Variants in ASPRV1 observed in about 807,000 individuals in gnomAD.
ASPRV1 encodes the protein retroviral-like aspartic protease 1.
In ASPRV1, 7 loss-of-function variants were observed where a neutral mutation model predicts 11.0. That is an observed-to-expected ratio of 0.64 (90% CI 0.36 to 1.20). The LOEUF is 1.20. ASPRV1 is among the 50% of genes most tolerant of loss of function. The pLI, the probability that ASPRV1 is intolerant of heterozygous loss-of-function variation, is 0.02. For synonymous variants in ASPRV1, 136 were observed against 138.4 expected (o/e 0.98, Z 0.12); for missense variants, 299 against 320.0 (o/e 0.93, Z 0.50).
At chr2:70,012,201 G>A in the ASPRV1 span, 2 of 151,656 alleles carry the variant, frequency 1.3e-5, no homozygotes, top group African/African-American at 4.8e-5. Context: ...GTGGCCCAGG[G>A]TGGAGTGCAG....
the ASPRV1 span, among the ~76,000 whole-genome samples, chr2:70,022,735 T>C: frequency 2.0e-5 from 3 of 152,234 alleles, no homozygotes; most frequent in African/African-American, 7.2e-5. Flanking sequence ...TGGATAAGTT[T>C]AGCATTTTGG....
At chr2:69,996,214 C>CAAAAAAAAAAAAA in the ASPRV1 span, among the ~76,000 whole-genome samples, 1 of 53,890 alleles carries the variant, frequency 1.9e-5, no homozygotes, top group Non-Finnish European at 3.2e-5. Flanking sequence ...CCCCATCTCT[C>CAAAAAAAAAAAAA]AAAAAAAAAA....
the ASPRV1 span, among the ~76,000 whole-genome samples, chr2:69,936,225 G>A: frequency 4.6e-5 from 7 of 152,166 alleles, no homozygotes; most frequent in African/African-American, 9.6e-5. Flanking sequence ...CCTCCTTCCT[G>A]TGACAGGTGG....
the ASPRV1 span, among the ~76,000 whole-genome samples, chr2:70,060,494 G>T: frequency 6.6e-6 from 1 of 152,152 alleles, no homozygotes; most frequent in East Asian, 1.9e-4. Context: ...TCTGGCAAAG[G>T]CAACAATACA....
chr2:70,040,337 G>A, the ASPRV1 span, among the ~76,000 whole-genome samples: 2 of 152,096 alleles, frequency 1.3e-5, no homozygotes, highest in South Asian at 2.1e-4. Flanking sequence ...TCACACCACC[G>A]CACTCTAGCC....
the ASPRV1 span, among the ~76,000 whole-genome samples, chr2:69,953,030 C>G: frequency 6.6e-6 from 1 of 152,234 alleles, no homozygotes; most frequent in African/African-American, 2.4e-5. Flanking sequence ...GGCTGCACAG[C>G]GGGGTGAGAC....
chr2:70,051,321 G>C, the ASPRV1 span: 2 of 152,130 alleles, frequency 1.3e-5, no homozygotes, highest in Non-Finnish European at 2.9e-5. Context: ...AGATGAGGAA[G>C]ACAAAAAATA....
the ASPRV1 span, chr2:70,019,028 A>T: frequency 6.6e-6 from 1 of 152,208 alleles, no homozygotes; most frequent in African/African-American, 2.4e-5. Context: ...GGTTGTTATG[A>T]TCTAAAGTGT....
downstream of ASPRV1, among the ~76,000 whole-genome samples, chr2:69,956,727 A>G (rs1043621445): frequency 6.6e-6 from 1 of 152,186 alleles, no homozygotes; most frequent in African/African-American, 2.4e-5. Context: ...GGGGTAAAAT[A>G]GTTATTTATG....
chr2:70,036,633 T>C, the ASPRV1 span, among the ~76,000 whole-genome samples: 1 of 152,184 alleles, frequency 6.6e-6, no homozygotes, highest in African/African-American at 2.4e-5. Flanking sequence ...CACAGGATTC[T>C]GTTACTTAAG....
the ASPRV1 span, among the ~76,000 whole-genome samples, chr2:70,017,727 A>T: frequency 6.6e-6 from 1 of 152,188 alleles, no homozygotes; most frequent in African/African-American, 2.4e-5. Context: ...GTCTGTTAGT[A>T]TTTTTTTAAA....
chr2:70,068,055 C>T, the ASPRV1 span, among the ~76,000 whole-genome samples: 36 of 152,160 alleles, frequency 2.4e-4, 1 homozygote, highest in Non-Finnish European at 1.5e-5. Context: ...CCCCTAAGTC[C>T]ACACTCTATC....
chr2:69,961,744 G>C (rs1040342209), upstream of ASPRV1: 1 of 1,500,508 alleles, frequency 6.7e-7, no homozygotes. Flanking sequence ...GCCAGCATCC[G>C]GCCGGACTAG....
the ASPRV1 span, among the ~76,000 whole-genome samples, chr2:69,968,783 C>T: frequency 8.5e-5 from 13 of 152,190 alleles, no homozygotes; most frequent in Non-Finnish European, 1.9e-4. Context: ...ACTGGAACCC[C>T]TGGTCGCTGG....
chr2:69,968,816 C>T, the ASPRV1 span, among the ~76,000 whole-genome samples: 1 of 152,190 alleles, frequency 6.6e-6, no homozygotes, highest in Admixed American at 6.5e-5. Flanking sequence ...CCGACTGTGG[C>T]TCAGTGTCCC....
chr2:69,981,289 A>G, the ASPRV1 span, among the ~76,000 whole-genome samples: 1 of 152,224 alleles, frequency 6.6e-6, no homozygotes, highest in African/African-American at 2.4e-5. Context: ...GCTGCATCCA[A>G]TGATGATAGA....
chr2:70,004,923 C>T, the ASPRV1 span, among the ~76,000 whole-genome samples: 1 of 152,130 alleles, frequency 6.6e-6, no homozygotes, highest in Admixed American at 6.5e-5. Flanking sequence ...GCTGTACCCC[C>T]AGTGTTTAGA....
the ASPRV1 span, among the ~76,000 whole-genome samples, chr2:70,069,559 C>T: frequency 1.3e-5 from 2 of 152,316 alleles, no homozygotes; most frequent in South Asian, 2.1e-4. Context: ...TTTAGAGCTT[C>T]GGGGTAGCTC....
At position 69,961,380 on chromosome 2, in the gene ASPRV1, C is replaced by T. The variant is rs762805708; in HGVS notation, c.57G>A (p.Pro19=). 37 of 1,613,998 alleles carry T rather than the reference C, an allele frequency of 2.3e-5. No homozygotes were observed. The highest frequency in any genetic ancestry group is 4.0e-5 in the African/African-American group (3 of 74,918). The change falls in exon 1 of 1, where the codon CCG becomes CCA. Residue 19 remains proline (P), a synonymous_variant. Coordinates refer to ENST00000320256, the MANE Select transcript of ASPRV1 (RefSeq NM_152792.4). ...CGACATTGGCCCCATCAAAAGGTTC[C>T]GGGACGAAGGCATGCTGCCGGCGGC... The part of the protein sequence containing the change: ...EEGRRQHAFV[P]EPFDGANVVP...
Sources: gnomAD v4.1 joint callset for allele counts (sites outside exome capture counted in the v4.1 genomes callset) on GRCh38, gnomAD v4.1.1 for gene constraint, MANE v1.5 for transcripts, NCBI Gene and HGNC (gene_info 2026-07-23, HGNC 2026-07-21) for gene names.